The following ADGRL3 variants were observed in gnomAD, a reference collection of about 807,000 sequenced individuals.
ADGRL3 encodes calcium-independent alpha-latrotoxin receptor 3.
In ADGRL3, 62 loss-of-function variants were observed where a neutral mutation model predicts 153.5. The observed-to-expected ratio is 0.40, with a 90% CI of 0.33 to 0.50. The LOEUF (loss-of-function observed/expected upper bound fraction) is 0.50, where lower values mean the gene tolerates loss of function less well. ADGRL3 is among the 20% of genes least tolerant of loss of function. The probability of loss-of-function intolerance (pLI) is 0.47; values close to 1 mark genes in which losing one functional copy is unlikely to be tolerated. For synonymous variants in ADGRL3, 710 were observed against 672.5 expected (o/e 1.06, Z -0.86); for missense variants, 1,641 against 1,859.4 (o/e 0.88, Z 2.16).
chr4:61,894,027 T>C (rs1172175924), intron 10 of ADGRL3, among the ~76,000 whole-genome samples: 1 of 152,074 alleles, frequency 6.6e-6, no homozygotes, highest in Non-Finnish European at 1.5e-5. Context: ...GCCTATTTTA[T>C]TACTGATATC....
chr4:61,226,139 A>G (rs1747867289), intron 1 of ADGRL3, among the ~76,000 whole-genome samples: 2 of 151,626 alleles, frequency 1.3e-5, no homozygotes, highest in African/African-American at 4.8e-5. Flanking sequence ...TTTTTTTTTC[A>G]GTTCAAATAT....
chr4:61,867,138 A>G (rs2098405132), intron 9 of ADGRL3, among the ~76,000 whole-genome samples: 1 of 152,122 alleles, frequency 6.6e-6, no homozygotes, highest in African/African-American at 2.4e-5. Flanking sequence ...AGATATCCTA[A>G]GGAATTTTGC....
intron 1 of ADGRL3, among the ~76,000 whole-genome samples, chr4:61,255,626 C>T (rs888351073): frequency 2.0e-5 from 3 of 152,080 alleles, no homozygotes; most frequent in African/African-American, 4.8e-5. Context: ...ATCAATGTTA[C>T]GAAATTCCAT....
chr4:61,602,867 T>C (rs1402965290), intron 5 of ADGRL3, among the ~76,000 whole-genome samples: 1 of 152,184 alleles, frequency 6.6e-6, no homozygotes, highest in Non-Finnish European at 1.5e-5. Context: ...TATTAGTTTC[T>C]CAAAGTAAAC....
Position 61,449,160 on chromosome 4 carries a change from G to A in ADGRL3, c.-173-47961G>A, listed in dbSNP as rs180932821. Reference sequence around the variant, plus strand: ...AATTAATTAATTTATTTTTTGAGACGGAGTCTCACTCTGTCGCCAGGCTGG... The same window carrying A: ...AATTAATTAATTTATTTTTTGAGACAGAGTCTCACTCTGTCGCCAGGCTGG... On this transcript the variant is annotated intron_variant, in intron 2 of 26. Transcript: ENST00000683033. Among the ~76,000 whole-genome samples, 67 of 150,908 alleles carry A rather than the reference G, an allele frequency of 4.4e-4. No homozygotes were observed. In the East Asian group the frequency reaches 4.7e-3, roughly 11 times the overall value.
At chr4:62,011,351 T>C (rs2099185786) in intron 21 of ADGRL3, among the ~76,000 whole-genome samples, 1 of 152,098 alleles carries the variant, frequency 6.6e-6, no homozygotes. Flanking sequence ...TGGAGAAATA[T>C]GATTGGAAGA....
chr4:61,520,650 C>CTGTGTGTGTGTGTGTGTGTG (rs1368696431), intron 4 of ADGRL3, among the ~76,000 whole-genome samples: 9 of 32,842 alleles, frequency 2.7e-4, no homozygotes, highest in African/African-American at 1.1e-3. Flanking sequence ...TTCTATAAAC[C>CTGTGTGTGTGTGTGTGTGTG]TCTGTGTGTG....
chr4:61,978,861 A>T (rs1484730652), intron 17 of ADGRL3, among the ~76,000 whole-genome samples: 1 of 145,186 alleles, frequency 6.9e-6, no homozygotes, highest in Non-Finnish European at 1.5e-5. Flanking sequence ...CTGTCAATGT[A>T]TAACAGGCTC....
At chr4:61,336,576 C>T (rs1024870232) in intron 1 of ADGRL3, among the ~76,000 whole-genome samples, 3 of 151,986 alleles carry the variant, frequency 2.0e-5, no homozygotes, top group South Asian at 2.1e-4. Flanking sequence ...TTTTCCTCAG[C>T]GTGTGAGGGG....
intron 9 of ADGRL3, among the ~76,000 whole-genome samples, chr4:61,866,194 C>T (rs1327362500): frequency 6.6e-6 from 1 of 152,162 alleles, no homozygotes; most frequent in Non-Finnish European, 1.5e-5. Flanking sequence ...CCCTATGCAT[C>T]TTAGTCTCTG....
chr4:61,584,059 A>C (rs918291488), intron 4 of ADGRL3, among the ~76,000 whole-genome samples: 1 of 148,774 alleles, frequency 6.7e-6, no homozygotes, highest in African/African-American at 2.5e-5. Context: ...ACTGAATGGC[A>C]AAAAACTTTT....
chr4:61,431,607 G>A (rs1299818359), intron 2 of ADGRL3, among the ~76,000 whole-genome samples: 1 of 152,154 alleles, frequency 6.6e-6, no homozygotes, highest in South Asian at 2.1e-4. Flanking sequence ...TCAACAAAAT[G>A]ACTGGAATGT....
At chr4:61,759,128 C>A (rs1315626901) in intron 8 of ADGRL3, among the ~76,000 whole-genome samples, 1 of 152,076 alleles carries the variant, frequency 6.6e-6, no homozygotes, top group Non-Finnish European at 1.5e-5. Flanking sequence ...TCCTTCATTT[C>A]AACTTTGGTA....
chr4:61,794,959 C>T (rs2097390727), intron 8 of ADGRL3, among the ~76,000 whole-genome samples: 1 of 152,204 alleles, frequency 6.6e-6, no homozygotes, highest in Non-Finnish European at 1.5e-5. Context: ...CGCATAACCT[C>T]TTTTCATGCC....
At chr4:61,210,143 A>G (rs1437891702) in intron 1 of ADGRL3, among the ~76,000 whole-genome samples, 1 of 152,192 alleles carries the variant, frequency 6.6e-6, no homozygotes, top group Non-Finnish European at 1.5e-5. Flanking sequence ...ATTATCCAGC[A>G]TGTATACTGA....
At chr4:61,338,735 A>G (rs1303901527) in intron 1 of ADGRL3, among the ~76,000 whole-genome samples, 1 of 152,174 alleles carries the variant, frequency 6.6e-6, no homozygotes, top group Non-Finnish European at 1.5e-5. Context: ...AGAACCATAT[A>G]CCAATATATA....
chr4:61,671,186 T>A (rs564733714), intron 5 of ADGRL3, among the ~76,000 whole-genome samples: 140 of 152,322 alleles, frequency 9.2e-4, no homozygotes, highest in Non-Finnish European at 1.8e-3. Flanking sequence ...TCCAGCAATA[T>A]CATTTTTACT....
chr4:61,310,613 G>T (rs769134854), intron 1 of ADGRL3, among the ~76,000 whole-genome samples: 20 of 151,976 alleles, frequency 1.3e-4, no homozygotes, highest in Non-Finnish European at 1.5e-4. Context: ...GAAATTGCAA[G>T]ATCAAATCCA....
At chr4:61,265,299 A>T (rs1376890302) in intron 1 of ADGRL3, among the ~76,000 whole-genome samples, 1 of 151,980 alleles carries the variant, frequency 6.6e-6, no homozygotes, top group African/African-American at 2.4e-5. Flanking sequence ...TTTATTCATC[A>T]CATTCACAAT....
Sources: gnomAD v4.1 joint callset for allele counts (sites outside exome capture counted in the v4.1 genomes callset) on GRCh38, gnomAD v4.1.1 for gene constraint, MANE v1.5 for transcripts, NCBI Gene and HGNC (gene_info 2026-07-23, HGNC 2026-07-21) for gene names.